ANPEP: variants seen among roughly 807,000 people sequenced by gnomAD.
ANPEP encodes alanyl aminopeptidase, membrane, also known as aminopeptidase N.
Under a neutral mutation model 114.6 loss-of-function variants are expected in ANPEP, and 70 were observed. The ratio of observed to expected loss-of-function variants is 0.61; its 90% confidence interval spans 0.50 to 0.75. The LOEUF is 0.75. ANPEP is among the 30% of genes least tolerant of loss of function. The pLI is 0.00. For synonymous variants in ANPEP, 548 were observed against 522.3 expected (o/e 1.05, Z -0.67); for missense variants, 1,184 against 1,259.5 (o/e 0.94, Z 0.91).
chr15:89,792,894 G>T, intron 16 of ANPEP, 141 bp downstream of exon 16: 1 of 775,756 alleles, frequency 1.3e-6, no homozygotes. Flanking sequence ...CCTCAGGGCA[G>T]GACCTCCCTG....
intron 20 of ANPEP, among the ~76,000 whole-genome samples, chr15:89,789,642 G>A (rs892712027): frequency 7.2e-5 from 11 of 151,744 alleles, no homozygotes; most frequent in South Asian, 2.1e-4. Flanking sequence ...GTGTGGGGGC[G>A]CATGCCTGTA....
In ANPEP at chr15:89,814,556, A is replaced by G. The variant is rs576968290; in HGVS notation, c.-224+216T>C. Among the ~76,000 whole-genome samples the G allele has an allele frequency of 1.2e-3, 184 of 152,186 alleles. 1 individual carries two copies. Among genetic ancestry groups the G allele is most frequent in the African/African-American group, 4.1e-3 (171 of 41,534 alleles). On this transcript the variant is annotated intron_variant, in intron 1 of 20. Transcript: ENST00000300060. ...CCCCTGCGAGGCCCGCTGGGGACCC[A>G]CTTGACCGCGAGATCGTAGTGGGAG...
In ANPEP at chr15:89,797,614, C is replaced by G. The variant is rs1455792161; in HGVS notation, c.2118G>C (p.Lys706Asn). Reference protein sequence around the residue: ...EAALSSLSYFKLMFDRSEVYG... With the variant: ...EAALSSLSYFNLMFDRSEVYG... ...AGACCTCGGAGCGGTCAAACATGAG[C>G]TTGAAGTAGCTCAGGCTGCTCAGGG... Residue 706 changes from lysine to asparagine, a missense_variant, in exon 15 of 21, where the codon AAG becomes AAC. By Grantham distance (94) the Lys-to-Asn change is moderately conservative. Transcript: ENST00000300060. 1 of 1,614,062 alleles carries G rather than the reference C, an allele frequency of 6.2e-7. No individual in the cohort carries two copies. Among genetic ancestry groups the G allele is most frequent in the Non-Finnish European group, 8.5e-7 (1 of 1,180,042 alleles).
At chr15:89,804,691 C>T in intron 4 of ANPEP, 74 bp from the exon 5 acceptor site, 1 of 1,568,804 alleles carries the variant, frequency 6.4e-7, no homozygotes, top group Non-Finnish European at 8.6e-7. Context: ...GTCCCAGGGC[C>T]CAGTGGGCTG....
intron 18 of ANPEP, 62 bp downstream of exon 18, chr15:89,792,098 G>A (rs1968638480): frequency 4.5e-6 from 7 of 1,562,176 alleles, no homozygotes; most frequent in Non-Finnish European, 6.1e-6. Context: ...GAGTGTGGAG[G>A]CCTGCCTGGT....
chr15:89,788,511 G>GT (rs1001546010), intron 20 of ANPEP, among the ~76,000 whole-genome samples: 10 of 151,418 alleles, frequency 6.6e-5, no homozygotes, highest in East Asian at 5.8e-4. Context: ...TGAGTACAAG[G>GT]TTTTTTTTTG....
chr15:89,801,600 T>G lies in ANPEP; in HGVS notation c.1577A>C (p.Asn526Thr). 6.2e-7 allele frequency: 1 copy of G among 1,613,718 alleles called. No individual in the cohort carries two copies. Among genetic ancestry groups the G allele is most frequent in the South Asian group, 1.1e-5 (1 of 91,056 alleles). Residue 526 changes from asparagine to threonine, a missense_variant, in exon 11 of 21, where the codon AAC becomes ACC. Transcript: ENST00000300060. ...NLWDHLQEAV[N>T]NRSIQLPTTV... ...GGTGGGGAGTTGGATGGACCGGTTG[T>G]TCACAGCCTGTGGGTGGAGCGAGAG...
At position 89,806,752 on chromosome 15, in the gene ANPEP, C is replaced by T; in HGVS notation, c.-169G>A. 10 of 1,090,922 alleles carry T rather than the reference C, an allele frequency of 9.2e-6. No individual in the cohort carries two copies. Among genetic ancestry groups the T allele is most frequent in the Non-Finnish European group, 1.3e-5 (10 of 790,238 alleles). The allele number at this position is 1,090,922 out of a possible 1,614,324, so 67.6% of individuals were successfully genotyped here. A position where few individuals can be genotyped will look rare whatever the true frequency, so the allele number is the denominator to read the frequency against. The stretch of plus-strand genomic sequence containing the variant: ...TCACTGGACTGGGCAGGGGCACGCT[C>T]CGCCTGGGGAGAGGAGATCCAGGAA... On this transcript the variant is annotated 5_prime_UTR_variant, in exon 2 of 21. Coordinates refer to ENST00000300060, the MANE Select transcript of ANPEP (RefSeq NM_001150.3). This position sits in a 1 kb window ranked among gnomAD's most constrained non-coding sequence, Gnocchi z 5.7.
intron 15 of ANPEP, among the ~76,000 whole-genome samples, chr15:89,794,081 C>T (rs1281980653): frequency 6.6e-6 from 1 of 152,118 alleles, no homozygotes; most frequent in African/African-American, 2.4e-5. Context: ...GCAGCTGGGA[C>T]GCGCAGAAAG....
rs1348597115 is a variant in ANPEP, at chr15:89,790,871, G to A, written c.2669+82C>T. On this transcript the variant is annotated intron_variant, in intron 19 of 20. Coordinates refer to ENST00000300060, the MANE Select transcript of ANPEP (RefSeq NM_001150.3). ...TTGTCCACTTCTGGTTAGTGCCCCC[G>A]GCGTGTCTTACCCGCACAGGCCACC... 1.4e-5 allele frequency: 22 copies of A among 1,528,998 alleles called. No homozygotes were observed. The Admixed American group carries it at 1.5e-4, about 11-fold the overall frequency. 94.7% of individuals were successfully genotyped at this position (1,528,998 alleles called of 1,614,324 possible).
At position 89,794,952 on chromosome 15, in the gene ANPEP, C is replaced by T. The variant is rs558659187; in HGVS notation, c.2158-1826G>A. Among the ~76,000 whole-genome samples, 18 of 152,256 alleles carry T rather than the reference C, an allele frequency of 1.2e-4. No individual in the cohort carries two copies. The East Asian group carries it at 2.1e-3, about 18-fold the overall frequency. ...CCAGTCACCTCGCAATGAGATCCCC[C>T]GGACAACACACTCCACCTTCCCATG... On this transcript the variant is annotated intron_variant, in intron 15 of 20. Transcript: ENST00000300060.
Position 89,791,035 on chromosome 15 carries a change from T to G in ANPEP, c.2587A>C (p.Ile863Leu). 2 of 1,614,226 alleles carry G rather than the reference T, an allele frequency of 1.2e-6. No homozygotes were observed. Among genetic ancestry groups the G allele is most frequent in the Non-Finnish European group, 1.7e-6 (2 of 1,180,044 alleles). Residue 863 changes from isoleucine (I) to leucine (L), a missense_variant, in exon 19 of 21, where the codon ATC becomes CTC. Physicochemically the swap from Ile to Leu is conservative, Grantham distance 5. Coordinates refer to ENST00000300060, the MANE Select transcript of ANPEP (RefSeq NM_001150.3). ...ATGACGTTGTTGGTAATGCTGATGATGGTAGAGGTGGCGTCCTGCTTCCGG... is the reference window on the plus strand; with the variant it reads ...ATGACGTTGTTGGTAATGCTGATGAGGGTAGAGGTGGCGTCCTGCTTCCGG... ...LIRKQDATST[I>L]ISITNNVIGQ... is the part of the protein sequence containing the mutation.
At chr15:89,808,883 C>T (rs544245926) in intron 1 of ANPEP, among the ~76,000 whole-genome samples, 147 of 152,336 alleles carry the variant, frequency 9.6e-4, no homozygotes, top group African/African-American at 3.3e-3. Flanking sequence ...ATACCTGCCG[C>T]CTCTCGTCTG....
chr15:89,790,680 A>G lies in ANPEP; in HGVS notation c.2670-139T>C, dbSNP rs528993669. 3.9e-5 allele frequency: 32 copies of G among 818,548 alleles called. No individual in the cohort carries two copies. The African/African-American group carries it at 4.4e-4, about 11-fold the overall frequency. The allele number at this position is 818,548 out of a possible 1,614,324, so 50.7% of individuals were successfully genotyped here. ...GGGAGACCCCACTAGGATGTGGGGG[A>G]GTCACAGCTTGAACACAGGTCTGAC... On this transcript the variant is annotated intron_variant, in intron 19 of 20. Transcript: ENST00000300060.
chr15:89,792,914 G>T, intron 16 of ANPEP, 121 bp downstream of exon 16: 1 of 868,764 alleles, frequency 1.2e-6, no homozygotes, highest in Non-Finnish European at 1.9e-6. Flanking sequence ...GCTCCTGGGT[G>T]GGGGTCTCTC....
In ANPEP at chr15:89,806,651, C is replaced by T. The variant is rs1894722690; in HGVS notation, c.-68G>A. On this transcript the variant is annotated 5_prime_UTR_variant, in exon 2 of 21. Coordinates refer to ENST00000300060, the MANE Select transcript of ANPEP (RefSeq NM_001150.3). This position sits in a 1 kb window ranked among gnomAD's most constrained non-coding sequence, Gnocchi z 5.7. ...GAGAACGGAGCAGCCCCAGGCCGGG[C>T]TTATATCCCCAAAGGGGAGGAGCCC... is the stretch of plus-strand genomic sequence containing the variant. The T allele has an allele frequency of 6.8e-7, 1 of 1,470,686 alleles. No homozygotes were observed. The highest frequency in any genetic ancestry group is 9.0e-7 in the Non-Finnish European group (1 of 1,110,732). The allele number at this position is 1,470,686 out of a possible 1,614,324, so 91.1% of individuals were successfully genotyped here. A position where few individuals can be genotyped will look rare whatever the true frequency, so the allele number is the denominator to read the frequency against.
chr15:89,785,098 T>C lies in ANPEP; in HGVS notation c.*251A>G, dbSNP rs1292501033. 2.1e-6 allele frequency: 1 copy of C among 475,122 alleles called. No homozygotes were observed. The highest frequency in any genetic ancestry group is 3.8e-6 in the Non-Finnish European group (1 of 261,312). 29.4% of individuals were successfully genotyped at this position (475,122 alleles called of 1,614,324 possible). ...TTCCCTGAGATCAGCCCCAGGGCAC[T>C]GGGCGACAGGTGCCATGCCAGGCCT... On this transcript the variant is annotated 3_prime_UTR_variant, in exon 21 of 21. Coordinates refer to ENST00000300060, the MANE Select transcript of ANPEP (RefSeq NM_001150.3).
chr15:89,794,399 G>C (rs1366150209), intron 15 of ANPEP, among the ~76,000 whole-genome samples: 1 of 152,114 alleles, frequency 6.6e-6, no homozygotes, highest in East Asian at 1.9e-4. Flanking sequence ...CAGGAGAATC[G>C]CTTGAATCTG....
intron 20 of ANPEP, among the ~76,000 whole-genome samples, chr15:89,790,239 C>T (rs535489792): frequency 2.2e-3 from 340 of 152,242 alleles, no homozygotes; most frequent in Non-Finnish European, 3.9e-3. Flanking sequence ...GTTCATTATA[C>T]CACTCTTCCC....
Sources: gnomAD v4.1 joint callset for allele counts (sites outside exome capture counted in the v4.1 genomes callset) on GRCh38, gnomAD v4.1.1 for gene constraint, Gnocchi (gnomAD v3.1) non-coding constraint, MANE v1.5 for transcripts, NCBI Gene and HGNC (gene_info 2026-07-23, HGNC 2026-07-21) for gene names.